ANKRD28: variants seen among roughly 807,000 people sequenced by gnomAD.
The protein encoded by ANKRD28 is ankyrin repeat domain 28, also known as serine/threonine-protein phosphatase 6 regulatory ankyrin repeat subunit A.
A neutral mutation model predicts 126.5 loss-of-function variants in ANKRD28; 44 were observed. The ratio of observed to expected loss-of-function variants is 0.35; its 90% CI spans 0.27 to 0.45. The LOEUF (loss-of-function observed/expected upper bound fraction) is 0.45. ANKRD28 is among the 20% of genes least tolerant of loss of function. The pLI is 1.00. For synonymous variants in ANKRD28, 442 were observed against 468.5 expected, an observed-to-expected ratio of 0.94 and a Z score of 0.73; for missense variants, 1,110 against 1,316.6, an observed-to-expected ratio of 0.84 and a Z score of 2.43.
In ANKRD28 at chr3:15,811,874, C is replaced by A. The variant is rs562464346; in HGVS notation, c.28-16568G>T. Among the ~76,000 whole-genome samples the A allele has an allele frequency of 7.9e-5, 12 of 152,102 alleles. No individual in the cohort carries two copies. The South Asian group carries it at 2.5e-3, about 32-fold the overall frequency. Reference sequence around the variant, plus strand: ...TTAATACATTTAAAATGTTTCTAAGCCAGGCACAGTGGCTCACGCCTGTAA... The same window carrying A: ...TTAATACATTTAAAATGTTTCTAAGACAGGCACAGTGGCTCACGCCTGTAA... On this transcript the variant is annotated intron_variant, in intron 1 of 27. Transcript: ENST00000399451.
At position 15,737,316 on chromosome 3, in the gene ANKRD28, A is replaced by G. The variant is rs1473652144; in HGVS notation, c.352-83T>C. The G allele has an allele frequency of 2.4e-5, 27 of 1,130,160 alleles. 1 individual carries two copies. The South Asian group carries it at 3.8e-4, about 16-fold the overall frequency. The allele number at this position is 1,130,160 out of a possible 1,614,324, so 70.0% of individuals were successfully genotyped here. A position where few individuals can be genotyped will look rare whatever the true frequency, so the allele number is the denominator to read the frequency against. On this transcript the variant is annotated intron_variant, in intron 4 of 27. Coordinates refer to ENST00000683139, the MANE Select transcript of ANKRD28 (RefSeq NM_001349278.2). ...CTATATATAGTGTGCGTGTGTGTGTATAAATATGTATCTACATATGAAGAA... is the reference window on the plus strand; with the variant it reads ...CTATATATAGTGTGCGTGTGTGTGTGTAAATATGTATCTACATATGAAGAA...
intron 2 of ANKRD28, among the ~76,000 whole-genome samples, chr3:15,780,019 G>A (rs2059470381): frequency 6.6e-6 from 1 of 152,142 alleles, no homozygotes; most frequent in South Asian, 2.1e-4. Flanking sequence ...CGAGGGACAA[G>A]AATGCTGCCC....
Position 15,720,920 on chromosome 3 carries a change from T to C in ANKRD28, c.991A>G (p.Met331Val). 6.2e-7 allele frequency: 1 copy of C among 1,613,068 alleles called. No individual in the cohort carries two copies. The highest frequency in any genetic ancestry group is 1.7e-5 in the Admixed American group (1 of 59,856). The change falls in exon 8 of 28, where the codon ATG (methionine) becomes GTG (valine). Residue 331 changes from methionine to valine, a missense_variant. Transcript: ENST00000683139. Reference sequence around the variant, plus strand: ...ATTCTGATTTTGTTCCTTACCTTCATATTGACATCGGCCCCATTGCCAACT... The same window carrying C: ...ATTCTGATTTTGTTCCTTACCTTCACATTGACATCGGCCCCATTGCCAACT... The part of the protein sequence containing the change: ...LLVGNGADVN[M>V]KSKDGKTPLH...
intron 1 of ANKRD28, chr3:15,859,314 C>T: frequency 6.6e-7 from 1 of 1,510,332 alleles, no homozygotes; most frequent in African/African-American, 1.4e-5. Flanking sequence ...CCCACACCGC[C>T]GGTCCGCCCT....
intron 4 of ANKRD28, among the ~76,000 whole-genome samples, chr3:15,743,764 CT>C (rs2057289591): frequency 2.0e-5 from 3 of 152,168 alleles, no homozygotes; most frequent in Non-Finnish European, 2.9e-5. Context: ...GGTGTGGAAA[CT>C]ATGTCACTGA....
Position 15,797,097 on chromosome 3 carries a change from A to G in ANKRD28, c.-576T>C. 1 of 985,140 alleles carries G rather than the reference A, an allele frequency of 1.0e-6. No individual in the cohort carries two copies. Among genetic ancestry groups the G allele is most frequent in the African/African-American group, 1.7e-5 (1 of 57,292 alleles). The allele number at this position is 985,140 out of a possible 1,614,324, so 61.0% of individuals were successfully genotyped here. A position where few individuals can be genotyped will look rare whatever the true frequency, so the allele number is the denominator to read the frequency against. On this transcript the variant is annotated 5_prime_UTR_variant, in exon 1 of 28. Coordinates refer to ENST00000683139, the MANE Select transcript of ANKRD28 (RefSeq NM_001349278.2). ...GTCTTCATTTCTTCATCACTGGTTTAATGCAGATACTATTCACAGAAAAAA... is the reference window on the plus strand; with the variant it reads ...GTCTTCATTTCTTCATCACTGGTTTGATGCAGATACTATTCACAGAAAAAA...
chr3:15,714,909 T>A (rs574112927), intron 8 of ANKRD28, among the ~76,000 whole-genome samples: 67 of 152,274 alleles, frequency 4.4e-4, no homozygotes, highest in African/African-American at 1.5e-3. Context: ...ACAGTAAGGA[T>A]GTGTCTCCCA....
At chr3:15,829,132 A>T (rs963356394) in intron 1 of ANKRD28, among the ~76,000 whole-genome samples, 3 of 152,220 alleles carry the variant, frequency 2.0e-5, no homozygotes, top group Non-Finnish European at 4.4e-5. Context: ...ACTGATGTCT[A>T]CTGTATTCAA....
intron 3 of ANKRD28, among the ~76,000 whole-genome samples, chr3:15,752,610 G>A (rs2057925374): frequency 6.6e-6 from 1 of 152,128 alleles, no homozygotes; most frequent in Non-Finnish European, 1.5e-5. Flanking sequence ...AGAAGAAACA[G>A]CCCTGGTTCT....
intron 3 of ANKRD28, among the ~76,000 whole-genome samples, chr3:15,756,133 G>A (rs1259737567): frequency 1.3e-5 from 2 of 152,198 alleles, no homozygotes; most frequent in African/African-American, 2.4e-5. Context: ...TCAGATAAAC[G>A]GCCAGAGCCT....
chr3:15,698,498 C>G (rs1212106954), intron 14 of ANKRD28, among the ~76,000 whole-genome samples: 2 of 152,198 alleles, frequency 1.3e-5, no homozygotes, highest in Non-Finnish European at 2.9e-5. Flanking sequence ...ACCCCATCGT[C>G]TCAGCTCAAA....
At chr3:15,670,744 G>C (rs1425311857) in intron 27 of ANKRD28, among the ~76,000 whole-genome samples, 188 bp from the exon 28 acceptor site, 1 of 152,160 alleles carries the variant, frequency 6.6e-6, no homozygotes, top group Non-Finnish European at 1.5e-5. Flanking sequence ...GAAACCTAGG[G>C]TGGAAGGGGA....
At chr3:15,689,217 G>C (rs2068498357) in intron 18 of ANKRD28, among the ~76,000 whole-genome samples, 1 of 152,140 alleles carries the variant, frequency 6.6e-6, no homozygotes, top group African/African-American at 2.4e-5. Flanking sequence ...TGGGCCACTG[G>C]GTTTTAGAGG....
At chr3:15,707,866 T>C (rs751311190) in intron 14 of ANKRD28, 58 bp downstream of exon 14, 115 of 1,566,530 alleles carry the variant, frequency 7.3e-5, no homozygotes, top group South Asian at 1.7e-4. Flanking sequence ...AACATCCATA[T>C]GGAAGATGCC....
At chr3:15,796,050 G>A (rs2060259927) in intron 1 of ANKRD28, among the ~76,000 whole-genome samples, 2 of 152,086 alleles carry the variant, frequency 1.3e-5, no homozygotes, top group Admixed American at 1.3e-4. Flanking sequence ...GTTGCTGGGG[G>A]TAGTCAACCT....
rs543270650 is a variant in ANKRD28, at chr3:15,714,476, A to G, written c.1075+102T>C. On this transcript the variant is annotated intron_variant, in intron 9 of 27. Transcript: ENST00000683139. The stretch of plus-strand genomic sequence containing the variant: ...AAATCATGTATTAAAAATACACAAA[A>G]TGCGATGACAATTCCTCAATACCAT... The G allele has an allele frequency of 5.8e-5, 48 of 829,152 alleles. No individual in the cohort carries two copies. In the South Asian group the frequency reaches 8.9e-4, roughly 15 times the overall value. 51.4% of individuals were successfully genotyped at this position (829,152 alleles called of 1,614,324 possible). A position where few individuals can be genotyped will look rare whatever the true frequency, so the allele number is the denominator to read the frequency against.
chr3:15,736,967 G>C, intron 5 of ANKRD28, 66 bp downstream of exon 5: 1 of 1,527,750 alleles, frequency 6.5e-7, no homozygotes, highest in South Asian at 1.1e-5. Context: ...AAAAATGCAA[G>C]TTCTTTAATA....
chr3:15,792,311 G>T (rs973585057), intron 2 of ANKRD28, among the ~76,000 whole-genome samples: 5 of 152,078 alleles, frequency 3.3e-5, no homozygotes, highest in African/African-American at 7.2e-5. Flanking sequence ...ACATTTGGAG[G>T]CAACCTAAGT....
Position 15,853,118 on chromosome 3 carries a change from A to AAT in ANKRD28, c.27+6257_27+6258dup, listed in dbSNP as rs1442432103. ...ACCACTTCAACTTTACATTGTATACAATATCCCAGTAACAGTTTAAAACAT... is the reference window on the plus strand; with the variant it reads ...ACCACTTCAACTTTACATTGTATACAATATATCCCAGTAACAGTTTAAAACAT... On this transcript the variant is annotated intron_variant, in intron 1 of 27. Coordinates refer to the ANKRD28 transcript ENST00000399451. This position sits in a 1 kb window ranked among gnomAD's most constrained non-coding sequence, Gnocchi z 4.2. Among the ~76,000 whole-genome samples, 2 of 152,194 alleles carry AAT rather than the reference A, an allele frequency of 1.3e-5. No homozygotes were observed. The highest frequency in any genetic ancestry group is 1.5e-5 in the Non-Finnish European group (1 of 68,044).
Sources: allele counts gnomAD v4.1 joint callset (sites outside exome capture counted in the v4.1 genomes callset), GRCh38; gene constraint gnomAD v4.1.1; non-coding constraint Gnocchi (gnomAD v3.1); transcripts MANE v1.5; gene names NCBI Gene and HGNC (gene_info 2026-07-23, HGNC 2026-07-21).